Variants in SIGLEC1 observed in about 807,000 individuals in gnomAD.
SIGLEC1 encodes the protein sialoadhesin.
A neutral mutation model predicts 148.0 loss-of-function variants in SIGLEC1; 132 were observed. The ratio of observed to expected loss-of-function variants is 0.89; its 90% CI spans 0.77 to 1.03. SIGLEC1 has a LOEUF of 1.03. Among genes scored for constraint, SIGLEC1 ranks in the 50% least tolerant of loss-of-function variants. The pLI, the probability that SIGLEC1 is intolerant of heterozygous loss-of-function variation, is 0.00. For synonymous variants in SIGLEC1, 945 were observed against 969.0 expected (o/e 0.98, Z 0.46); for missense variants, 2,253 against 2,271.4 (o/e 0.99, Z 0.16).
In SIGLEC1 at chr20:3,699,297, G is replaced by A. The variant is rs750829302; in HGVS notation, c.1691C>T (p.Ala564Val). 61 of 1,608,124 alleles carry A rather than the reference G, an allele frequency of 3.8e-5. No homozygotes were observed. Among genetic ancestry groups the A allele is most frequent in the Middle Eastern group, 1.6e-4 (1 of 6,068 alleles). ...TGAGCCGGCGTCAGTGCTGGAGGCC[G>A]CGGGGAGCAGGAGGCTGCTGCCGGG... ...EGPGSSLLLP[A>V]ASSTDAGSYH... Residue 564 changes from alanine to valine, a missense_variant, in exon 8 of 22, where the codon GCG becomes GTG. Ala to Val is a moderately conservative substitution (Grantham distance 64). Transcript: ENST00000344754.
rs985830834 is a variant in SIGLEC1 at position 3,696,628 on chromosome 20, C to T, written c.2641G>A (p.Val881Ile). 6.2e-6 allele frequency: 10 copies of T among 1,613,406 alleles called. No homozygotes were observed. The African/African-American group carries it at 6.7e-5, about 11-fold the overall frequency. Residue 881 changes from valine (V) to isoleucine (I), a missense_variant, in exon 11 of 22, where the codon GTT (valine) becomes ATT (isoleucine). Coordinates refer to ENST00000344754, the MANE Select transcript of SIGLEC1 (RefSeq NM_023068.4). ...AGTGAGGTGTTGGATGATCCAAGAACATTTGTGGCCTCACAGCGGTAGCTG... is the reference window on the plus strand; with the variant it reads ...AGTGAGGTGTTGGATGATCCAAGAATATTTGTGGCCTCACAGCGGTAGCTG... ...SGSYRCEATN[V>I]LGSSNTSLFF...
At chr20:3,704,117 G>A (rs2146530307) in intron 4 of SIGLEC1, 26 bp from the exon 5 acceptor site, 1 of 1,600,432 alleles carries the variant, frequency 6.2e-7, no homozygotes, top group Non-Finnish European at 8.5e-7. Context: ...GGGGGTATTG[G>A]GTAAGGTGCT....
In SIGLEC1 at chr20:3,710,902, C is replaced by T. The variant is rs370416846; in HGVS notation, c.-110+1568G>A. ...AGCCTATTGGCTCAGCCTGTCACCA[C>T]AAAGGCCAGCTTCAGCCCAGATAAC... On this transcript the variant is annotated intron_variant, in intron 1 of 21. Transcript: ENST00000344754. The surrounding 1 kb of genome is among the most constrained non-coding windows in gnomAD (Gnocchi z 4.6). Among the ~76,000 whole-genome samples, 11 of 152,352 alleles carry T rather than the reference C, an allele frequency of 7.2e-5. No individual in the cohort carries two copies. In the East Asian group the frequency reaches 1.7e-3, roughly 24 times the overall value.
At chr20:3,708,327 G>C (rs2087910215) in intron 1 of SIGLEC1, among the ~76,000 whole-genome samples, 1 of 152,096 alleles carries the variant, frequency 6.6e-6, no homozygotes, top group East Asian at 1.9e-4. Flanking sequence ...AAAAGGAAGA[G>C]ATGCCAGAAA....
At chr20:3,700,701 T>C (rs1399394424) in intron 7 of SIGLEC1, among the ~76,000 whole-genome samples, 12 of 17,646 alleles carry the variant, frequency 6.8e-4, no homozygotes, top group African/African-American at 2.0e-3. Context: ...CTTTTTCTTT[T>C]TTTTTTTTTT....
In SIGLEC1 at chr20:3,704,060, G is replaced by T. The variant is rs769094661; in HGVS notation, c.738C>A (p.Ser246Arg). The T allele has an allele frequency of 6.2e-7, 1 of 1,613,274 alleles. No individual in the cohort carries two copies. The highest frequency in any genetic ancestry group is 8.5e-7 in the Non-Finnish European group (1 of 1,179,804). The change falls in exon 5 of 22, where the codon AGC (serine) becomes AGA (arginine). Residue 246 changes from serine (S) to arginine (R), a missense_variant. Coordinates refer to ENST00000344754, the MANE Select transcript of SIGLEC1 (RefSeq NM_023068.4). ...YAPKGVKILL[S>R]PSGRNILPGE... ...CTGGAAGGATGTTCCTCCCCGAGGG[G>T]CTGAGGAGGATCTTCACACCCTTGG...
chr20:3,688,588 G>A lies in SIGLEC1; in HGVS notation c.5102C>T (p.Thr1701Ile). Reference protein sequence around the residue: ...LIDPDAATCETSTCAPPLG With the variant: ...LIDPDAATCEISTCAPPLG ...GCCCAGGGGTGGGGCACAGGTTGAG[G>A]TCTCACATGTGGCTGCATCAGGATC... The change falls in exon 22 of 22, where the codon ACC (threonine) becomes ATC (isoleucine). Residue 1701 changes from threonine (T) to isoleucine (I), a missense_variant. Transcript: ENST00000344754. 6.2e-7 allele frequency: 1 copy of A among 1,603,228 alleles called. No homozygotes were observed. Among genetic ancestry groups the A allele is most frequent in the Non-Finnish European group, 8.5e-7 (1 of 1,174,594 alleles).
chr20:3,709,478 G>A (rs1158544731), intron 1 of SIGLEC1, among the ~76,000 whole-genome samples: 2 of 152,196 alleles, frequency 1.3e-5, no homozygotes, highest in Admixed American at 1.3e-4. Flanking sequence ...TTGCTGGTGG[G>A]AATATAAAAT....
chr20:3,691,984 G>C lies in SIGLEC1; in HGVS notation c.4249C>G (p.Pro1417Ala). ...NALRLQVQDV[P>A]AGDDTYVCTA... ...CAAACATAGGTGTCATCACCTGCAGGCACATCTTGCACCTGCAGCCGTAGG... is the reference window on the plus strand; with the variant it reads ...CAAACATAGGTGTCATCACCTGCAGCCACATCTTGCACCTGCAGCCGTAGG... Residue 1417 changes from proline (P) to alanine (A), a missense_variant, in exon 17 of 22, where the codon CCT (proline) becomes GCT (alanine). Physicochemically the swap from Pro to Ala is conservative, Grantham distance 27 (BLOSUM62 -1). Transcript: ENST00000344754. The C allele has an allele frequency of 1.2e-6, 2 of 1,612,934 alleles. No homozygotes were observed. The highest frequency in any genetic ancestry group is 1.7e-6 in the Non-Finnish European group (2 of 1,179,434).
At position 3,692,510 on chromosome 20, in the gene SIGLEC1, C is replaced by T; in HGVS notation, c.4030+11G>A. On this transcript the variant is annotated intron_variant, in intron 16 of 21. Transcript: ENST00000344754. Reference sequence around the variant, plus strand: ...CTCCTGGGCAGCCCTGGCCAAGGACCCTCTGCTCACAGAGGACTTGCAGGG... The same window carrying T: ...CTCCTGGGCAGCCCTGGCCAAGGACTCTCTGCTCACAGAGGACTTGCAGGG... 4.4e-6 allele frequency: 7 copies of T among 1,579,968 alleles called. No homozygotes were observed. The highest frequency in any genetic ancestry group is 6.0e-6 in the Non-Finnish European group (7 of 1,169,320).
chr20:3,707,640 A>G (rs893817075), intron 1 of SIGLEC1, among the ~76,000 whole-genome samples: 3 of 152,108 alleles, frequency 2.0e-5, no homozygotes, highest in Admixed American at 6.5e-5. Flanking sequence ...CTAACTATAG[A>G]CCATAATGGG....
At chr20:3,688,977 C>G in intron 21 of SIGLEC1, 178 bp downstream of exon 21, 1 of 646,774 alleles carries the variant, frequency 1.5e-6, no homozygotes, top group Admixed American at 2.6e-5. Flanking sequence ...GGGATTCCCT[C>G]TGCCCCGAGC....
intron 19 of SIGLEC1, 130 bp from the exon 20 acceptor site, chr20:3,689,832 C>T: frequency 8.6e-7 from 1 of 1,165,142 alleles, no homozygotes; most frequent in Non-Finnish European, 1.2e-6. Context: ...CAAGGGTGCC[C>T]CGAGCAATCA....
Position 3,703,933 on chromosome 20 carries a change from C to A in SIGLEC1, c.865G>T (p.Val289Leu). 1 of 1,613,816 alleles carries A rather than the reference C, an allele frequency of 6.2e-7. No individual in the cohort carries two copies. Among genetic ancestry groups the A allele is most frequent in the Non-Finnish European group, 8.5e-7 (1 of 1,179,884 alleles). ...DGVRLQTKTG[V>L]LHLPQAAWSD... ...CAGGCTGCCTGGGGCAGGTGCAGCA[C>A]ACCAGTCTTGGTTTGGAGGCGTACC... Residue 289 changes from valine (V) to leucine (L), a missense_variant, in exon 5 of 22, where the codon GTG (valine) becomes TTG (leucine). By Grantham distance (32) the Val-to-Leu change is conservative (BLOSUM62 1). Transcript: ENST00000344754.
chr20:3,702,405 G>A (rs1192058637), intron 6 of SIGLEC1, among the ~76,000 whole-genome samples: 1 of 152,092 alleles, frequency 6.6e-6, no homozygotes, highest in Non-Finnish European at 1.5e-5. Context: ...GGCCAACATG[G>A]TGAAACCCTG....
At position 3,692,005 on chromosome 20, in the gene SIGLEC1, G is replaced by A. The variant is rs200539652; in HGVS notation, c.4228C>T (p.Arg1410Trp). 5.5e-5 allele frequency: 89 copies of A among 1,613,520 alleles called. No individual in the cohort carries two copies. The Middle Eastern group carries it at 9.9e-4, about 18-fold the overall frequency. The change falls in exon 17 of 22, where the codon CGG becomes TGG. Residue 1410 changes from arginine (R) to tryptophan (W), a missense_variant. Physicochemically the swap from Arg to Trp is moderately radical, Grantham distance 101. Transcript: ENST00000344754. ...GHVQVARNAL[R>W]LQVQDVPAGD... The stretch of plus-strand genomic sequence containing the variant: ...GCAGGCACATCTTGCACCTGCAGCC[G>A]TAGGGCGTTTCGGGCCACCTGGACA...
rs570543762 is a variant in SIGLEC1 at position 3,687,077 on chromosome 20, G to C, written c.*1483C>G. ...ATGAGCCTGGAATGAGGGAGGGTGC[G>C]GCCTCGGCTACACAAAGTTCACCCG... On this transcript the variant is annotated 3_prime_UTR_variant, in exon 22 of 22. Transcript: ENST00000344754. 2 of 143,166 alleles carry C rather than the reference G, an allele frequency of 1.4e-5. No individual in the cohort carries two copies. Among genetic ancestry groups the C allele is most frequent in the African/African-American group, 5.3e-5 (2 of 37,584 alleles). 8.9% of individuals were successfully genotyped at this position (143,166 alleles called of 1,614,324 possible). A position where few individuals can be genotyped will look rare whatever the true frequency, so the allele number is the denominator to read the frequency against.
rs1568845793 is a variant in SIGLEC1, at chr20:3,703,286, G to A, written c.1139C>T (p.Ala380Val). 6.2e-7 allele frequency: 1 copy of A among 1,614,158 alleles called. No individual in the cohort carries two copies. The highest frequency in any genetic ancestry group is 2.2e-5 in the East Asian group (1 of 44,884). ...GTAGAAGCCAGTATCAGCCCTAGTG[G>A]CCAAGTGCAGCCGGAGGGTATGGGA... Reference protein sequence around the residue: ...AHSHTLRLHLATRADTGFYFC... With the variant: ...AHSHTLRLHLVTRADTGFYFC... The change falls in exon 6 of 22, where the codon GCC becomes GTC. Residue 380 changes from alanine (A) to valine (V), a missense_variant. Transcript: ENST00000344754.
chr20:3,699,658 A>G (rs1053616413), intron 7 of SIGLEC1, among the ~76,000 whole-genome samples, 199 bp from the exon 8 acceptor site: 6 of 152,202 alleles, frequency 3.9e-5, no homozygotes, highest in African/African-American at 1.4e-4. Flanking sequence ...TTGAAGATTC[A>G]GAGCCAGAGC....
Sources: allele counts gnomAD v4.1 joint callset (sites outside exome capture counted in the v4.1 genomes callset), GRCh38; gene constraint gnomAD v4.1.1; non-coding constraint Gnocchi (gnomAD v3.1); transcripts MANE v1.5; gene names NCBI Gene and HGNC (gene_info 2026-07-23, HGNC 2026-07-21).